Variants in TPO observed in about 807,000 individuals in gnomAD.
TPO encodes thyroid peroxidase.
TPO carries 78 observed loss-of-function variants against 96.9 expected under a neutral mutation model. The observed-to-expected ratio is 0.81, with a 90% CI of 0.67 to 0.97. The LOEUF (loss-of-function observed/expected upper bound fraction) is 0.97, where lower values mean the gene tolerates loss of function less well. TPO is among the 50% of genes least tolerant of loss of function. The probability of loss-of-function intolerance (pLI) is 0.00; values close to 1 mark genes in which losing one functional copy is unlikely to be tolerated. For missense variants in TPO, 1,252 were observed against 1,274.8 expected, an observed-to-expected ratio of 0.98 and a Z score of 0.27; for synonymous variants, 547 against 538.0, an observed-to-expected ratio of 1.02 and a Z score of -0.23.
In TPO at chr2:1,540,575, G is replaced by A. The variant is rs201287131; in HGVS notation, c.2619-19G>A. 32 of 1,612,414 alleles carry A rather than the reference G, an allele frequency of 2.0e-5. No individual in the cohort carries two copies. The Middle Eastern group carries it at 5.0e-4, about 25-fold the overall frequency. The stretch of plus-strand genomic sequence containing the variant: ...GGTGCCGGACCCTCTCCCGATAACT[G>A]GACACGTGTCTCCCACAGGACACGC... On this transcript the variant is annotated intron_variant, in intron 15 of 16. Coordinates refer to ENST00000329066, the MANE Select transcript of TPO (RefSeq NM_001206744.2).
chr2:1,428,179 G>A (rs1398444739), intron 3 of TPO, among the ~76,000 whole-genome samples: 1 of 152,212 alleles, frequency 6.6e-6, no homozygotes, highest in Non-Finnish European at 1.5e-5. Flanking sequence ...CCTTGCTTAT[G>A]TTCTGAAGCT....
At chr2:1,536,973 C>A (rs1228070192) in intron 15 of TPO, among the ~76,000 whole-genome samples, 1 of 96,680 alleles carries the variant, frequency 1.0e-5, no homozygotes, top group Non-Finnish European at 2.0e-5. Context: ...GTGCAACCCC[C>A]CAATCTCCCC....
intron 2 of TPO, 21 bp downstream of exon 2, chr2:1,414,523 G>A (rs370354831): frequency 1.3e-4 from 215 of 1,608,394 alleles, no homozygotes; most frequent in Non-Finnish European, 1.7e-4. Context: ...AACACATTGC[G>A]GTCTTCTGGC....
chr2:1,516,849 G>T, intron 14 of TPO, 34 bp from the exon 15 acceptor site: 2 of 1,608,536 alleles, frequency 1.2e-6, no homozygotes, highest in Non-Finnish European at 1.7e-6. Flanking sequence ...GGCCCTGGAA[G>T]GTTCTTCTAA....
chr2:1,479,792 C>CTT (rs60629249), intron 8 of TPO, among the ~76,000 whole-genome samples: 55 of 150,358 alleles, frequency 3.7e-4, no homozygotes, highest in South Asian at 1.9e-3. Context: ...CCTTCTTCTT[C>CTT]TTTTTTTTTG....
intron 8 of TPO, 69 bp from the exon 9 acceptor site, chr2:1,484,527 C>A: frequency 6.2e-7 from 1 of 1,606,232 alleles, no homozygotes; most frequent in Non-Finnish European, 8.5e-7. Flanking sequence ...TGCTCTTCCA[C>A]ACTGCCGCTC....
chr2:1,472,827 CAAAAA>C (rs34064729), intron 7 of TPO, among the ~76,000 whole-genome samples: 133 of 48,336 alleles, frequency 2.8e-3, no homozygotes, highest in African/African-American at 0.011. Context: ...TGTTTGGCGG[CAAAAA>C]AAAAAAAAAA....
intron 1 of TPO, among the ~76,000 whole-genome samples, chr2:1,404,526 A>G (rs991003489): frequency 3.3e-5 from 5 of 152,224 alleles, no homozygotes; most frequent in African/African-American, 9.6e-5. Flanking sequence ...CCCTAGTTAC[A>G]TACAACTGGT....
At chr2:1,466,916 T>C (rs1418034149) in intron 7 of TPO, among the ~76,000 whole-genome samples, 2 of 152,130 alleles carry the variant, frequency 1.3e-5, no homozygotes, top group African/African-American at 4.8e-5. Context: ...ATTTCCTTTC[T>C]TCTGCTGGGT....
chr2:1,473,083 C>T (rs1181453534), intron 7 of TPO, among the ~76,000 whole-genome samples: 1 of 152,160 alleles, frequency 6.6e-6, no homozygotes, highest in East Asian at 1.9e-4. Flanking sequence ...TGTTTTTCTA[C>T]AGCCCCATCA....
At chr2:1,470,542 A>T (rs1669302493) in intron 7 of TPO, among the ~76,000 whole-genome samples, 1 of 149,266 alleles carries the variant, frequency 6.7e-6, no homozygotes, top group African/African-American at 2.4e-5. Context: ...TATATATATA[A>T]ATATATTTTT....
intron 1 of TPO, among the ~76,000 whole-genome samples, chr2:1,381,049 C>T (rs537542683): frequency 2.0e-5 from 3 of 152,146 alleles, no homozygotes; most frequent in Non-Finnish European, 2.9e-5. Flanking sequence ...TAGGTATACA[C>T]GTGCCATGGT....
Position 1,452,393 on chromosome 2 carries a change from A to G in TPO, c.483-1301A>G, listed in dbSNP as rs183764176. On this transcript the variant is annotated intron_variant, in intron 5 of 16. Transcript: ENST00000329066. ...TGGTTACCCGAGATCCTTCCTATTT[A>G]TGCCTTCTGTCCCAGGAAATTATTA... Among the ~76,000 whole-genome samples the G allele has an allele frequency of 4.6e-5, 7 of 152,332 alleles. No individual in the cohort carries two copies. In the East Asian group the frequency reaches 1.4e-3, roughly 29 times the overall value.
At chr2:1,522,614 C>T (rs1675437330) in intron 15 of TPO, among the ~76,000 whole-genome samples, 1 of 152,092 alleles carries the variant, frequency 6.6e-6, no homozygotes, top group Admixed American at 6.5e-5. Flanking sequence ...TTATTCAAGC[C>T]TCAATCTCTC....
intron 10 of TPO, among the ~76,000 whole-genome samples, chr2:1,488,890 A>C (rs1336557363): frequency 6.6e-6 from 1 of 152,180 alleles, no homozygotes; most frequent in African/African-American, 2.4e-5. Context: ...CTGGGGACTA[A>C]ATGTGAGTTG....
chr2:1,523,892 T>G (rs1675792302), intron 15 of TPO, among the ~76,000 whole-genome samples: 1 of 69,362 alleles, frequency 1.4e-5, no homozygotes, highest in Admixed American at 2.3e-4. Flanking sequence ...ACAACTTGCT[T>G]AAATCCCCCC....
At chr2:1,466,272 A>G (rs1403090267) in intron 7 of TPO, among the ~76,000 whole-genome samples, 2 of 152,112 alleles carry the variant, frequency 1.3e-5, no homozygotes, top group African/African-American at 4.8e-5. Context: ...TCTTTTTGAT[A>G]TGCATTGGAT....
At chr2:1,389,780 C>A (rs568065458) in intron 1 of TPO, among the ~76,000 whole-genome samples, 173 of 152,252 alleles carry the variant, frequency 1.1e-3, no homozygotes, top group African/African-American at 4.0e-3. Context: ...AGATTAAAAG[C>A]CTTTTCCACA....
At chr2:1,489,283 A>T (rs991276809) in intron 10 of TPO, among the ~76,000 whole-genome samples, 2 of 148,202 alleles carry the variant, frequency 1.3e-5, no homozygotes, top group Non-Finnish European at 3.0e-5. Context: ...TGCCCAGCAC[A>T]CACCCACACA....
Sources: allele counts gnomAD v4.1 joint callset (sites outside exome capture counted in the v4.1 genomes callset), GRCh38; gene constraint gnomAD v4.1.1; transcripts MANE v1.5; gene names NCBI Gene and HGNC (gene_info 2026-07-23, HGNC 2026-07-21).